The following CSMD1 variants were observed in gnomAD, a reference collection of about 807,000 sequenced individuals.
The protein encoded by CSMD1 is CUB and sushi domain-containing protein 1.
In CSMD1, 213 loss-of-function variants were observed where a neutral mutation model predicts 417.5. That is an observed-to-expected ratio of 0.51 (90% CI 0.46 to 0.57). The LOEUF is 0.57. Among genes scored for constraint, CSMD1 ranks in the 20% least tolerant of loss-of-function variants. The pLI, the probability that CSMD1 is intolerant of heterozygous loss-of-function variation, is 0.00. For missense variants in CSMD1, 6,923 were observed against 4,529.7 expected, an observed-to-expected ratio of 1.53 and a Z score of -15.17; for synonymous variants, 2,862 against 1,736.8, an observed-to-expected ratio of 1.65 and a Z score of -16.11.
chr8:2,940,921 C>T (rs895441327), intron 69 of CSMD1, among the ~76,000 whole-genome samples: 5 of 152,056 alleles, frequency 3.3e-5, no homozygotes, highest in African/African-American at 4.8e-5. Context: ...TTATATGACC[C>T]AGAGGAACCC....
At chr8:4,048,801 T>C (rs761796528) in intron 3 of CSMD1, among the ~76,000 whole-genome samples, 2 of 152,222 alleles carry the variant, frequency 1.3e-5, no homozygotes, top group African/African-American at 2.4e-5. Context: ...ATACAGTATA[T>C]GTAGTCACAA....
At chr8:4,886,581 T>C (rs1803754739) in intron 1 of CSMD1, among the ~76,000 whole-genome samples, 2 of 151,970 alleles carry the variant, frequency 1.3e-5, no homozygotes, top group African/African-American at 2.4e-5. Flanking sequence ...CATTAGGTCT[T>C]CTTTAATTGT....
chr8:4,058,319 G>A (rs1224005671), intron 3 of CSMD1, among the ~76,000 whole-genome samples: 4 of 152,102 alleles, frequency 2.6e-5, no homozygotes, highest in Non-Finnish European at 5.9e-5. Flanking sequence ...GTTCACTCAC[G>A]ATTTGGCTCT....
chr8:4,107,648 G>C (rs1490574972), intron 3 of CSMD1, among the ~76,000 whole-genome samples: 1 of 152,142 alleles, frequency 6.6e-6, no homozygotes, highest in Non-Finnish European at 1.5e-5. Context: ...ACCACCGAAA[G>C]CTCATTTGAA....
intron 46 of CSMD1, among the ~76,000 whole-genome samples, chr8:3,103,949 G>C (rs1461815387): frequency 6.6e-6 from 1 of 151,748 alleles, no homozygotes; most frequent in East Asian, 2.0e-4. Flanking sequence ...CTTCATGTTG[G>C]TCACGGTGGT....
chr8:3,216,857 C>A (rs887764005), intron 29 of CSMD1, among the ~76,000 whole-genome samples: 1 of 152,248 alleles, frequency 6.6e-6, no homozygotes, highest in Non-Finnish European at 1.5e-5. Flanking sequence ...CCCATCATGC[C>A]TAAGAACTGG....
intron 10 of CSMD1, among the ~76,000 whole-genome samples, chr8:3,567,378 C>G (rs1357671865): frequency 6.6e-6 from 1 of 151,058 alleles, no homozygotes; most frequent in Non-Finnish European, 1.5e-5. Context: ...ACAAGTTTAC[C>G]TATATAACAA....
intron 10 of CSMD1, among the ~76,000 whole-genome samples, chr8:3,506,308 C>A (rs74428615): frequency 1.3e-5 from 2 of 152,166 alleles, no homozygotes; most frequent in South Asian, 4.1e-4. Context: ...TCCTACTACC[C>A]GCTATTTCTA....
chr8:3,749,847 G>A (rs557642767), intron 6 of CSMD1, among the ~76,000 whole-genome samples: 15 of 152,066 alleles, frequency 9.9e-5, no homozygotes, highest in Admixed American at 7.9e-4. Flanking sequence ...ACACTGAGGT[G>A]GTTCGCGGTG....
At chr8:3,953,122 G>T (rs1055583699) in intron 5 of CSMD1, among the ~76,000 whole-genome samples, 15 of 151,898 alleles carry the variant, frequency 9.9e-5, no homozygotes, top group African/African-American at 3.4e-4. Flanking sequence ...AAAGATCAAT[G>T]ATCATAAACC....
At chr8:3,262,983 G>A (rs1801188286) in intron 26 of CSMD1, among the ~76,000 whole-genome samples, 1 of 152,168 alleles carries the variant, frequency 6.6e-6, no homozygotes, top group Non-Finnish European at 1.5e-5. Context: ...GAAGTATTAT[G>A]GACATTACAG....
chr8:3,185,778 G>C (rs939868664), intron 36 of CSMD1, among the ~76,000 whole-genome samples: 4 of 152,188 alleles, frequency 2.6e-5, no homozygotes, highest in Admixed American at 2.0e-4. Context: ...TGTGAGGTAG[G>C]TGCTAGGAAT....
chr8:3,738,386 C>T (rs1029372753), intron 6 of CSMD1, among the ~76,000 whole-genome samples: 2 of 152,210 alleles, frequency 1.3e-5, no homozygotes, highest in Admixed American at 6.5e-5. Context: ...ATTGTACATT[C>T]TTCTCATAAA....
chr8:3,666,838 T>C (rs1013157758), intron 7 of CSMD1, among the ~76,000 whole-genome samples: 2 of 152,214 alleles, frequency 1.3e-5, no homozygotes, highest in African/African-American at 2.4e-5. Flanking sequence ...ATTAAATCTC[T>C]TTTTCTTTAC....
chr8:3,788,947 T>G (rs182914060), intron 5 of CSMD1, among the ~76,000 whole-genome samples: 2 of 152,324 alleles, frequency 1.3e-5, no homozygotes, highest in African/African-American at 2.4e-5. Flanking sequence ...TAGACAGTAT[T>G]GTAGAATTTA....
rs572691184 is a variant in CSMD1, at chr8:4,701,871, A to G, written c.86-64313T>C. Among the ~76,000 whole-genome samples, 5 of 152,350 alleles carry G rather than the reference A, an allele frequency of 3.3e-5. No individual in the cohort carries two copies. The South Asian group carries it at 6.2e-4, about 19-fold the overall frequency. On this transcript the variant is annotated intron_variant, in intron 1 of 69. Coordinates refer to ENST00000635120, the MANE Select transcript of CSMD1 (RefSeq NM_033225.6). The stretch of plus-strand genomic sequence containing the variant: ...CCATTAAGAATCAACAGATGCATCA[A>G]TGATAGACTGGATAAAGAACATGTG...
intron 2 of CSMD1, among the ~76,000 whole-genome samples, chr8:4,560,160 G>A (rs777675337): frequency 2.2e-4 from 34 of 152,170 alleles, no homozygotes; most frequent in African/African-American, 8.0e-4. Flanking sequence ...AGAAAACCGC[G>A]CTCATCTCAC....
intron 24 of CSMD1, among the ~76,000 whole-genome samples, 170 bp downstream of exon 24, chr8:3,308,142 A>G (rs1805031570): frequency 6.6e-6 from 1 of 151,994 alleles, no homozygotes; most frequent in Non-Finnish European, 1.5e-5. Context: ...TGTCTTTCAT[A>G]GCTGAAAACA....
chr8:3,960,950 C>G (rs1249802377), intron 5 of CSMD1, among the ~76,000 whole-genome samples: 1 of 151,764 alleles, frequency 6.6e-6, no homozygotes, highest in Admixed American at 6.6e-5. Context: ...TAATACTATC[C>G]TCTTAATATT....
Sources: allele counts gnomAD v4.1 joint callset (sites outside exome capture counted in the v4.1 genomes callset), GRCh38; gene constraint gnomAD v4.1.1; transcripts MANE v1.5; gene names NCBI Gene and HGNC (gene_info 2026-07-23, HGNC 2026-07-21).